TTC28: variants seen among roughly 807,000 people sequenced by gnomAD.
The protein encoded by TTC28 is tetratricopeptide repeat protein 28.
In TTC28, 61 loss-of-function variants were observed where a neutral mutation model predicts 198.0. The observed-to-expected ratio is 0.31, with a 90% CI of 0.25 to 0.38. The LOEUF is 0.38. Ranked by LOEUF, TTC28 falls within the 10% of genes least tolerant of loss-of-function variation. TTC28 has a pLI of 1.00. For missense variants in TTC28, 2,678 were observed against 3,164.0 expected, an observed-to-expected ratio of 0.85 and a Z score of 3.69; for synonymous variants, 1,171 against 1,297.8, an observed-to-expected ratio of 0.90 and a Z score of 2.10.
At chr22:28,509,330 A>G (rs1336450950) in intron 2 of TTC28, among the ~76,000 whole-genome samples, 41 of 152,242 alleles carry the variant, frequency 2.7e-4, no homozygotes, top group Non-Finnish European at 1.5e-5. Context: ...AACTCAAATC[A>G]TAACAGTCTC....
chr22:28,476,912 C>T (rs540680633), intron 2 of TTC28, among the ~76,000 whole-genome samples: 1 of 152,156 alleles, frequency 6.6e-6, no homozygotes, highest in East Asian at 1.9e-4. Context: ...TAAAGTCAAA[C>T]AATTACATAG....
intron 6 of TTC28, among the ~76,000 whole-genome samples, chr22:28,161,781 G>A: frequency 7.0e-6 from 1 of 142,548 alleles, no homozygotes; most frequent in African/African-American, 2.5e-5. Flanking sequence ...AGGAAGAGAG[G>A]AATGGAGGAA....
At chr22:28,280,447 T>A (rs553689126) in intron 5 of TTC28, among the ~76,000 whole-genome samples, 1 of 152,070 alleles carries the variant, frequency 6.6e-6, no homozygotes. Context: ...CAAGCGATTC[T>A]CCTGCCTCAG....
intron 2 of TTC28, among the ~76,000 whole-genome samples, chr22:28,448,514 G>A (rs111898694): frequency 1.0e-3 from 157 of 152,024 alleles, no homozygotes; most frequent in Non-Finnish European, 2.0e-3. Context: ...TAACATATTT[G>A]AAAAATATGT....
chr22:28,238,371 A>C (rs568753544), intron 5 of TTC28, among the ~76,000 whole-genome samples: 1 of 152,146 alleles, frequency 6.6e-6, no homozygotes, highest in Non-Finnish European at 1.5e-5. Context: ...AAGCCCATCC[A>C]GTCATTTTTC....
At chr22:28,155,526 T>G (rs1943731018) in intron 6 of TTC28, among the ~76,000 whole-genome samples, 1 of 152,196 alleles carries the variant, frequency 6.6e-6, no homozygotes, top group Non-Finnish European at 1.5e-5. Context: ...TTATTAGGGC[T>G]CAGACTAAAG....
At chr22:28,387,991 G>A (rs1433117561) in intron 2 of TTC28, among the ~76,000 whole-genome samples, 1 of 152,160 alleles carries the variant, frequency 6.6e-6, no homozygotes, top group African/African-American at 2.4e-5. Context: ...TAACGTTTAA[G>A]TCTTTAATCC....
At chr22:28,164,639 T>A (rs1021801641) in intron 5 of TTC28, among the ~76,000 whole-genome samples, 1 of 152,022 alleles carries the variant, frequency 6.6e-6, no homozygotes, top group Non-Finnish European at 1.5e-5. Flanking sequence ...CAAAAACCCA[T>A]CTCCACGTCA....
intron 13 of TTC28, chr22:28,028,893 C>T (rs943924145): frequency 1.2e-5 from 5 of 427,986 alleles, no homozygotes; most frequent in Non-Finnish European, 1.9e-5. Flanking sequence ...TCACAGATGA[C>T]GAGACTGAGG....
intron 13 of TTC28, among the ~76,000 whole-genome samples, chr22:28,016,760 G>A (rs985290993): frequency 1.3e-5 from 2 of 152,204 alleles, no homozygotes; most frequent in African/African-American, 4.8e-5. Context: ...GGAGTTCTCA[G>A]GACAGCCCCA....
chr22:28,655,715 G>A (rs1439325132), intron 1 of TTC28, among the ~76,000 whole-genome samples: 1 of 152,130 alleles, frequency 6.6e-6, no homozygotes, highest in Non-Finnish European at 1.5e-5. Context: ...GCCAGGCGCC[G>A]TGGCGGGCGC....
chr22:28,032,177 T>TATATATATAAAATATATATATATAAA (rs1569094620), intron 12 of TTC28, among the ~76,000 whole-genome samples: 59 of 77,434 alleles, frequency 7.6e-4, no homozygotes, highest in Middle Eastern at 6.3e-3. Flanking sequence ...TGTATATATA[T>TATATATATAAAATATATATATATAAA]ATATATATAT....
At chr22:28,306,345 G>A in intron 3 of TTC28, 151 bp downstream of exon 3, 1 of 893,186 alleles carries the variant, frequency 1.1e-6, no homozygotes, top group South Asian at 1.8e-5. Context: ...TCACTTGCTG[G>A]CAGTGATTCT....
intron 5 of TTC28, among the ~76,000 whole-genome samples, chr22:28,287,867 G>A (rs1287638392): frequency 6.6e-6 from 1 of 152,022 alleles, no homozygotes; most frequent in Non-Finnish European, 1.5e-5. Flanking sequence ...ATCAGGGCAG[G>A]GTTAAAACAG....
At position 28,604,297 on chromosome 22, in the gene TTC28, T is replaced by TACATATATATATATATATATATATATA. The variant is rs1053139903; in HGVS notation, c.381+25254_381+25255insTATATATATATATATATATATATATGT. On this transcript the variant is annotated intron_variant, in intron 2 of 22. Transcript: ENST00000397906. The stretch of plus-strand genomic sequence containing the variant: ...AGTCTTAAACAGAAAAAAAAAAAAA[T>TACATATATATATATATATATATATATA]TATATATATATATATATATATATAT... 8.4e-4 allele frequency among the ~76,000 whole-genome samples: 96 copies of TACATATATATATATATATATATATATA among 114,092 alleles called. 4 individuals are homozygous for TACATATATATATATATATATATATATA. The highest frequency in any genetic ancestry group is 3.2e-3 in the African/African-American group (91 of 28,510). 74.8% of individuals were successfully genotyped at this position (114,092 alleles called of 152,430 possible).
chr22:28,347,243 AAC>A (rs1364769958), intron 2 of TTC28, among the ~76,000 whole-genome samples: 4 of 151,400 alleles, frequency 2.6e-5, no homozygotes, highest in Non-Finnish European at 5.9e-5. Context: ...CAGCCTGAGC[AAC>A]AGAGTGAGAC....
chr22:28,363,936 T>C (rs1275226510), intron 2 of TTC28, among the ~76,000 whole-genome samples: 2 of 152,156 alleles, frequency 1.3e-5, no homozygotes, highest in African/African-American at 4.8e-5. Context: ...GGCTCGTCGG[T>C]GGAAGGGACT....
chr22:27,985,686 T>G (rs1316130304), intron 21 of TTC28: 5 of 226,286 alleles, frequency 2.2e-5, no homozygotes, highest in African/African-American at 1.1e-4. Flanking sequence ...CATTTTTTTT[T>G]CACAGAAGTA....
chr22:28,426,225 A>G (rs1387907193), intron 2 of TTC28, among the ~76,000 whole-genome samples: 2 of 151,818 alleles, frequency 1.3e-5, no homozygotes, highest in Non-Finnish European at 2.9e-5. Flanking sequence ...AAAAAAAAAA[A>G]AAAAAAGAAA....
Sources: allele counts gnomAD v4.1 joint callset (sites outside exome capture counted in the v4.1 genomes callset), GRCh38; gene constraint gnomAD v4.1.1; transcripts MANE v1.5; gene names NCBI Gene and HGNC (gene_info 2026-07-23, HGNC 2026-07-21).